CNTNAP2: variants seen among roughly 807,000 people sequenced by gnomAD.
CNTNAP2 encodes contactin-associated protein-like 2.
Under a neutral mutation model 155.2 loss-of-function variants are expected in CNTNAP2, and 98 were observed. That is an observed-to-expected ratio of 0.63 (90% CI 0.54 to 0.75). CNTNAP2 has a LOEUF of 0.75. CNTNAP2 is among the 30% of genes least tolerant of loss of function. The pLI, the probability that CNTNAP2 is intolerant of heterozygous loss-of-function variation, is 0.00. For synonymous variants in CNTNAP2, 651 were observed against 631.2 expected, an observed-to-expected ratio of 1.03 and a Z score of -0.47; for missense variants, 1,727 against 1,688.1, an observed-to-expected ratio of 1.02 and a Z score of -0.40.
chr7:148,006,562 G>T (rs1372552001), intron 15 of CNTNAP2, among the ~76,000 whole-genome samples: 3 of 149,502 alleles, frequency 2.0e-5, no homozygotes, highest in Admixed American at 6.7e-5. Flanking sequence ...CAAGTGATCT[G>T]CCTGCCTCGG....
At chr7:147,337,145 A>C (rs1795677918) in intron 9 of CNTNAP2, among the ~76,000 whole-genome samples, 1 of 152,182 alleles carries the variant, frequency 6.6e-6, no homozygotes, top group Non-Finnish European at 1.5e-5. Flanking sequence ...ATATTTACAC[A>C]ACAATTTCAG....
intron 8 of CNTNAP2, among the ~76,000 whole-genome samples, chr7:147,248,804 A>T (rs1273573603): frequency 6.6e-6 from 1 of 152,220 alleles, no homozygotes; most frequent in Non-Finnish European, 1.5e-5. Context: ...ATTTGATGGG[A>T]TAGAACTTTG....
intron 13 of CNTNAP2, among the ~76,000 whole-genome samples, chr7:147,735,321 G>T (rs1016467380): frequency 1.3e-5 from 2 of 152,186 alleles, no homozygotes; most frequent in African/African-American, 2.4e-5. Flanking sequence ...TTTCCATGTA[G>T]TTGAGTGGTT....
intron 9 of CNTNAP2, among the ~76,000 whole-genome samples, chr7:147,374,813 G>A (rs1042817797): frequency 6.6e-6 from 1 of 151,968 alleles, no homozygotes; most frequent in African/African-American, 2.4e-5. Flanking sequence ...ATTTTCCTCA[G>A]TAGCAGTGAG....
chr7:148,201,667 G>A (rs566004345), intron 18 of CNTNAP2, among the ~76,000 whole-genome samples: 1 of 152,030 alleles, frequency 6.6e-6, no homozygotes, highest in Non-Finnish European at 1.5e-5. Context: ...TTTGTGCCCC[G>A]TCCTTTGGGT....
chr7:146,846,678 A>G (rs1310266181), intron 3 of CNTNAP2, among the ~76,000 whole-genome samples: 1 of 152,208 alleles, frequency 6.6e-6, no homozygotes, highest in Non-Finnish European at 1.5e-5. Context: ...AATATTGTAC[A>G]TAAATAGAAC....
At chr7:148,001,355 G>T (rs955429823) in intron 15 of CNTNAP2, among the ~76,000 whole-genome samples, 3 of 152,204 alleles carry the variant, frequency 2.0e-5, no homozygotes, top group Non-Finnish European at 4.4e-5. Context: ...TCTACACTGC[G>T]TCGAACAGAT....
In CNTNAP2 at chr7:146,688,175, A is replaced by G. The variant is rs116129983; in HGVS notation, c.98-86096A>G. ...GAAGTGATTCATTTATAAGGAAGGT[A>G]CTAATTTTAAATAATACTCAAATCA... is the stretch of plus-strand genomic sequence containing the variant. On this transcript the variant is annotated intron_variant, in intron 1 of 23. Transcript: ENST00000361727. Among the ~76,000 whole-genome samples the G allele has an allele frequency of 4.1e-3, 631 of 152,294 alleles. 1 individual carries two copies. The highest frequency in any genetic ancestry group is 0.015 in the African/African-American group (605 of 41,562).
At chr7:148,227,402 G>T (rs879366656) in intron 19 of CNTNAP2, among the ~76,000 whole-genome samples, 4 of 152,182 alleles carry the variant, frequency 2.6e-5, no homozygotes, top group African/African-American at 4.8e-5. Context: ...AGGATAAGAG[G>T]CCTCACTTGA....
At chr7:148,308,126 A>C (rs1413281225) in intron 21 of CNTNAP2, among the ~76,000 whole-genome samples, 2 of 152,220 alleles carry the variant, frequency 1.3e-5, no homozygotes, top group Admixed American at 1.3e-4. Flanking sequence ...GTCCCTTAGT[A>C]TTAAAATGAA....
intron 1 of CNTNAP2, among the ~76,000 whole-genome samples, chr7:146,732,632 T>G (rs573932559): frequency 6.6e-6 from 1 of 152,282 alleles, no homozygotes; most frequent in African/African-American, 2.4e-5. Context: ...AACACTGATT[T>G]GGCCATCATA....
chr7:146,168,201 A>T (rs1321777212), intron 1 of CNTNAP2, among the ~76,000 whole-genome samples: 1 of 152,172 alleles, frequency 6.6e-6, no homozygotes, highest in Non-Finnish European at 1.5e-5. Flanking sequence ...AGACACACCC[A>T]GGAACAATAC....
intron 3 of CNTNAP2, among the ~76,000 whole-genome samples, chr7:146,861,258 G>C (rs1233564191): frequency 6.6e-6 from 1 of 152,024 alleles, no homozygotes; most frequent in Non-Finnish European, 1.5e-5. Context: ...TCACCATGTT[G>C]TCCAGGCTGG....
At chr7:147,519,922 G>T (rs1054571006) in intron 11 of CNTNAP2, among the ~76,000 whole-genome samples, 5 of 152,154 alleles carry the variant, frequency 3.3e-5, no homozygotes, top group Non-Finnish European at 7.4e-5. Context: ...GATAGAAGCA[G>T]AAATTAGAAA....
At chr7:147,516,023 A>G (rs1272933969) in intron 11 of CNTNAP2, among the ~76,000 whole-genome samples, 1 of 152,224 alleles carries the variant, frequency 6.6e-6, no homozygotes, top group Non-Finnish European at 1.5e-5. Context: ...GCCCCAAACC[A>G]TTTCTTACTG....
chr7:146,771,717 T>C (rs1337543803), intron 1 of CNTNAP2, among the ~76,000 whole-genome samples: 12 of 152,236 alleles, frequency 7.9e-5, no homozygotes, highest in Admixed American at 7.9e-4. Context: ...CCAATTTGTA[T>C]ACAATTGAGT....
At chr7:146,664,536 T>TAA (rs1401088094) in intron 1 of CNTNAP2, among the ~76,000 whole-genome samples, 4 of 152,162 alleles carry the variant, frequency 2.6e-5, no homozygotes, top group Admixed American at 6.5e-5. Context: ...ACACTAAATG[T>TAA]TTTATATATT....
intron 8 of CNTNAP2, among the ~76,000 whole-genome samples, chr7:147,251,372 T>C (rs539254845): frequency 6.6e-5 from 10 of 152,316 alleles, no homozygotes; most frequent in African/African-American, 2.4e-4. Context: ...TAACCCTTTT[T>C]TCCTATCTCC....
intron 1 of CNTNAP2, among the ~76,000 whole-genome samples, chr7:146,326,061 A>G (rs889889498): frequency 6.6e-6 from 1 of 152,240 alleles, no homozygotes; most frequent in Non-Finnish European, 1.5e-5. Context: ...GATTCTATCT[A>G]CAATTATAGG....
Sources: allele counts gnomAD v4.1 joint callset (sites outside exome capture counted in the v4.1 genomes callset), GRCh38; gene constraint gnomAD v4.1.1; transcripts MANE v1.5; gene names NCBI Gene and HGNC (gene_info 2026-07-23, HGNC 2026-07-21).